Variants in ANKRD31 observed in about 807,000 individuals in gnomAD.
ANKRD31 encodes ankyrin repeat domain-containing protein 31.
A neutral mutation model predicts 186.0 loss-of-function variants in ANKRD31; 147 were observed. The observed-to-expected ratio is 0.79, with a 90% confidence interval of 0.69 to 0.91. The LOEUF (loss-of-function observed/expected upper bound fraction) is 0.91, where lower values mean the gene tolerates loss of function less well. Ranked by LOEUF, ANKRD31 falls within the 40% of genes least tolerant of loss-of-function variation. The pLI is 0.00. For synonymous variants in ANKRD31, 673 were observed against 736.4 expected (o/e 0.91, Z 1.39); for missense variants, 1,986 against 2,148.8 (o/e 0.92, Z 1.50).
intron 11 of ANKRD31, among the ~76,000 whole-genome samples, chr5:75,163,480 T>C (rs957567216): frequency 1.3e-5 from 2 of 152,198 alleles, no homozygotes; most frequent in Admixed American, 1.3e-4. Flanking sequence ...GAATTGCAGC[T>C]GAAGGGAGCT....
At position 75,104,648 on chromosome 5, in the gene ANKRD31, T is replaced by C; in HGVS notation, c.4911A>G (p.Pro1637=). The change falls in exon 22 of 26, where the codon CCA becomes CCG. Residue 1637 remains proline (P), a synonymous_variant. Coordinates refer to ENST00000506364, the MANE Select transcript of ANKRD31 (RefSeq NM_001372053.1). ...CTGAAATATTTAATTTGCCGATTAC[T>C]GGGGAAGAAACATAGAATTCATGGT... ...DKDHEFYVSS[P]VIGKLNISET... The C allele has an allele frequency of 6.5e-7, 1 of 1,536,168 alleles. No individual in the cohort carries two copies. The highest frequency in any genetic ancestry group is 1.2e-5 in the South Asian group (1 of 83,728).
At chr5:75,178,241 T>G (rs541620340) in intron 10 of ANKRD31, among the ~76,000 whole-genome samples, 2 of 152,318 alleles carry the variant, frequency 1.3e-5, no homozygotes, top group African/African-American at 4.8e-5. Flanking sequence ...AAGCAATTCC[T>G]TAGTGACCTA....
chr5:75,071,580 C>G (rs1230870973), intron 25 of ANKRD31, among the ~76,000 whole-genome samples: 1 of 151,112 alleles, frequency 6.6e-6, no homozygotes, highest in Non-Finnish European at 1.5e-5. Flanking sequence ...ACTGCGACCT[C>G]TGCCTCCCAG....
intron 10 of ANKRD31, among the ~76,000 whole-genome samples, chr5:75,175,816 A>G (rs1753745296): frequency 6.6e-6 from 1 of 152,154 alleles, no homozygotes; most frequent in Non-Finnish European, 1.5e-5. Context: ...GCGATGCAGA[A>G]GACGGGTGAT....
intron 10 of ANKRD31, among the ~76,000 whole-genome samples, chr5:75,180,736 G>C (rs528131920): frequency 6.6e-6 from 1 of 152,228 alleles, no homozygotes; most frequent in Non-Finnish European, 1.5e-5. Context: ...ATTAATTCAA[G>C]ATGGATTGAA....
At chr5:75,101,673 C>T (rs1170546706) in intron 22 of ANKRD31, among the ~76,000 whole-genome samples, 1 of 152,040 alleles carries the variant, frequency 6.6e-6, no homozygotes, top group Admixed American at 6.6e-5. Context: ...TCATTTCATT[C>T]ATTTGATCTT....
At chr5:75,071,814 T>C (rs906371432) in intron 25 of ANKRD31, among the ~76,000 whole-genome samples, 2 of 152,122 alleles carry the variant, frequency 1.3e-5, no homozygotes, top group Non-Finnish European at 2.9e-5. Context: ...CTGTTCTTAA[T>C]AAAGCATAGC....
At chr5:75,232,520 C>T (rs1202791374) in intron 1 of ANKRD31, among the ~76,000 whole-genome samples, 2 of 151,744 alleles carry the variant, frequency 1.3e-5, no homozygotes, top group Non-Finnish European at 2.9e-5. Flanking sequence ...TCCCTAAATG[C>T]TGGGATTACA....
intron 3 of ANKRD31, among the ~76,000 whole-genome samples, chr5:75,211,320 T>C (rs1756631667): frequency 6.6e-6 from 1 of 152,244 alleles, no homozygotes; most frequent in Admixed American, 6.5e-5. Flanking sequence ...GTATCTGCAT[T>C]TTCTTCCATT....
At chr5:75,178,917 A>T (rs1212263884) in intron 10 of ANKRD31, among the ~76,000 whole-genome samples, 1 of 152,202 alleles carries the variant, frequency 6.6e-6, no homozygotes, top group Non-Finnish European at 1.5e-5. Flanking sequence ...AGACACAAAA[A>T]ACGCTTCAAA....
At chr5:75,158,390 T>C (rs1343589220) in intron 11 of ANKRD31, among the ~76,000 whole-genome samples, 1 of 152,056 alleles carries the variant, frequency 6.6e-6, no homozygotes, top group Admixed American at 6.5e-5. Flanking sequence ...GTGAGGGAAA[T>C]AGACTTCACA....
intron 20 of ANKRD31, among the ~76,000 whole-genome samples, chr5:75,110,039 C>T (rs895004212): frequency 6.6e-6 from 1 of 152,094 alleles, no homozygotes; most frequent in African/African-American, 2.4e-5. Flanking sequence ...CCAAGAGCTC[C>T]AGGGTCCCAC....
In ANKRD31 at chr5:75,188,485, T is replaced by C. The variant is rs927384343; in HGVS notation, c.1564+8A>G. ...TTAAGGTAACTGTGGGTGGTAATCC[T>C]AACTTACCAGCATAACTTGGCTGAT... On this transcript the variant is annotated splice_region_variant and intron_variant, in intron 10 of 25. Transcript: ENST00000506364. The C allele has an allele frequency of 7.2e-6, 11 of 1,533,024 alleles. No homozygotes were observed. The highest frequency in any genetic ancestry group is 4.1e-5 in the African/African-American group (3 of 72,904). 95.0% of individuals were successfully genotyped at this position (1,533,024 alleles called of 1,614,324 possible).
intron 10 of ANKRD31, among the ~76,000 whole-genome samples, chr5:75,183,029 A>C (rs190993175): frequency 6.6e-6 from 1 of 152,346 alleles, no homozygotes; most frequent in Admixed American, 6.5e-5. Context: ...AGCAAACTGA[A>C]TTCAACAGTA....
intron 10 of ANKRD31, among the ~76,000 whole-genome samples, chr5:75,184,864 A>C (rs1008600609): frequency 1.3e-5 from 2 of 152,200 alleles, no homozygotes; most frequent in Non-Finnish European, 2.9e-5. Flanking sequence ...CTTGGTATAT[A>C]TCCAAAGGAA....
chr5:75,221,639 G>T (rs548531345), intron 3 of ANKRD31, among the ~76,000 whole-genome samples: 1 of 152,138 alleles, frequency 6.6e-6, no homozygotes, highest in Non-Finnish European at 1.5e-5. Context: ...ACACAGGCTT[G>T]AACTGTGTTG....
chr5:75,086,704 T>C (rs971746184), intron 23 of ANKRD31, among the ~76,000 whole-genome samples: 3 of 152,234 alleles, frequency 2.0e-5, no homozygotes, highest in African/African-American at 7.2e-5. Context: ...TAGGTTGTTG[T>C]GTTCTTGCTT....
intron 22 of ANKRD31, among the ~76,000 whole-genome samples, chr5:75,092,950 GAAAAT>G (rs1746034548): frequency 6.6e-6 from 1 of 151,962 alleles, no homozygotes; most frequent in Non-Finnish European, 1.5e-5. Flanking sequence ...TATGGAGTTG[GAAAAT>G]AAAATAACTG....
intron 22 of ANKRD31, among the ~76,000 whole-genome samples, chr5:75,094,631 A>G (rs907143509): frequency 5.9e-5 from 9 of 152,180 alleles, no homozygotes; most frequent in African/African-American, 2.2e-4. Context: ...GAACAAAAAG[A>G]TATGAGGTAT....
Sources: gnomAD v4.1 joint callset for allele counts (sites outside exome capture counted in the v4.1 genomes callset) on GRCh38, gnomAD v4.1.1 for gene constraint, MANE v1.5 for transcripts, NCBI Gene and HGNC (gene_info 2026-07-23, HGNC 2026-07-21) for gene names.